MYO16: variants seen among roughly 807,000 people sequenced by gnomAD.
MYO16 encodes the protein unconventional myosin-XVI.
Under a neutral mutation model 205.3 loss-of-function variants are expected in MYO16, and 94 were observed. The ratio of observed to expected loss-of-function variants is 0.46; its 90% CI spans 0.39 to 0.54. The LOEUF is 0.54. Among genes scored for constraint, MYO16 ranks in the 20% least tolerant of loss-of-function variants. MYO16 has a pLI of 0.00. For synonymous variants in MYO16, 988 were observed against 954.0 expected, an observed-to-expected ratio of 1.04 and a Z score of -0.66; for missense variants, 2,315 against 2,387.5, an observed-to-expected ratio of 0.97 and a Z score of 0.63.
chr13:109,134,918 G>A (rs1471527285), intron 31 of MYO16, among the ~76,000 whole-genome samples: 2 of 152,116 alleles, frequency 1.3e-5, no homozygotes, highest in Non-Finnish European at 2.9e-5. Flanking sequence ...GTATCCCTCT[G>A]TCATACAAAC....
At chr13:108,978,261 ACTT>A (rs528991151) in intron 20 of MYO16, among the ~76,000 whole-genome samples, 15 of 152,090 alleles carry the variant, frequency 9.9e-5, no homozygotes, top group Middle Eastern at 3.4e-3. Context: ...TATGTATCTT[ACTT>A]CTTCTTATTT....
At position 108,608,435 on chromosome 13, in the gene MYO16, C is replaced by G. The variant is rs534413395; in HGVS notation, c.-39+12196C>G. On this transcript the variant is annotated intron_variant, in intron 1 of 24. Coordinates refer to the MYO16 transcript ENST00000251041. The stretch of plus-strand genomic sequence containing the variant: ...ACACCTTGTCTTAAAGCTTTCTCAT[C>G]GGACCTAGCCAGAACCCTTCCTTGC... Among the ~76,000 whole-genome samples the G allele has an allele frequency of 3.3e-4, 50 of 152,246 alleles. 1 individual carries two copies. Among genetic ancestry groups the G allele is most frequent in the Middle Eastern group, 6.8e-3 (2 of 294 alleles).
At chr13:109,178,913 C>A (rs1879335797) in intron 33 of MYO16, among the ~76,000 whole-genome samples, 1 of 152,194 alleles carries the variant, frequency 6.6e-6, no homozygotes, top group Non-Finnish European at 1.5e-5. Flanking sequence ...CTCATAGTAA[C>A]TTCGCGTTGT....
At chr13:109,024,738 C>G (rs1354352192) in intron 23 of MYO16, among the ~76,000 whole-genome samples, 1 of 152,000 alleles carries the variant, frequency 6.6e-6, no homozygotes, top group Non-Finnish European at 1.5e-5. Flanking sequence ...TTATAAAAAT[C>G]TTTTATTGTA....
chr13:108,889,056 A>G (rs533011576), intron 14 of MYO16, among the ~76,000 whole-genome samples: 6 of 152,168 alleles, frequency 3.9e-5, no homozygotes, highest in African/African-American at 1.2e-4. Flanking sequence ...TGTCTCAAAA[A>G]AAAAAAGAAA....
At chr13:108,669,479 G>T (rs1881889325) in intron 2 of MYO16, among the ~76,000 whole-genome samples, 1 of 152,050 alleles carries the variant, frequency 6.6e-6, no homozygotes, top group East Asian at 1.9e-4. Flanking sequence ...ACTGAAGAGG[G>T]AACAGACGTT....
intron 28 of MYO16, among the ~76,000 whole-genome samples, chr13:109,111,490 G>A (rs1220484122): frequency 2.6e-5 from 4 of 152,126 alleles, no homozygotes; most frequent in Non-Finnish European, 4.4e-5. Flanking sequence ...ATGCAACTAC[G>A]ATAGTACATA....
intron 23 of MYO16, among the ~76,000 whole-genome samples, chr13:109,023,705 A>ATG: frequency 8.5e-6 from 1 of 118,220 alleles, no homozygotes; most frequent in Non-Finnish European, 1.7e-5. Flanking sequence ...GTATATATGT[A>ATG]TATATACAAA....
chr13:109,079,471 G>T (rs914126299), intron 27 of MYO16, among the ~76,000 whole-genome samples: 1 of 152,014 alleles, frequency 6.6e-6, no homozygotes, highest in Non-Finnish European at 1.5e-5. Context: ...GTGGCAACGT[G>T]GATGCAGCTG....
At chr13:108,528,273 A>G in the MYO16 span, among the ~76,000 whole-genome samples, 1 of 152,080 alleles carries the variant, frequency 6.6e-6, no homozygotes, top group African/African-American at 2.4e-5. Flanking sequence ...GAAGGACAAA[A>G]TCTCAAAAAG....
chr13:109,028,817 T>C (rs571811907), intron 23 of MYO16, among the ~76,000 whole-genome samples: 1 of 151,962 alleles, frequency 6.6e-6, no homozygotes, highest in African/African-American at 2.4e-5. Context: ...TCCACAGACC[T>C]TTACGGGAAT....
intron 1 of MYO16, among the ~76,000 whole-genome samples, chr13:108,617,954 C>T (rs765539798): frequency 2.6e-5 from 4 of 152,114 alleles, no homozygotes; most frequent in East Asian, 1.9e-4. Context: ...GATGGCCTCA[C>T]CAAACACCCA....
chr13:108,768,754 C>T (rs1045985618), intron 4 of MYO16, among the ~76,000 whole-genome samples: 1 of 152,038 alleles, frequency 6.6e-6, no homozygotes, highest in Non-Finnish European at 1.5e-5. Context: ...AAATTATATT[C>T]GTCTTATGGT....
At chr13:108,579,236 C>A in the MYO16 span, among the ~76,000 whole-genome samples, 1 of 152,120 alleles carries the variant, frequency 6.6e-6, no homozygotes, top group Non-Finnish European at 1.5e-5. Context: ...TGTCTTTTGA[C>A]TGAGTCTCTT....
chr13:109,063,562 G>T (rs1334762315), intron 27 of MYO16, among the ~76,000 whole-genome samples: 1 of 152,140 alleles, frequency 6.6e-6, no homozygotes, highest in Non-Finnish European at 1.5e-5. Context: ...GAATGTGACT[G>T]GCACAAGAAT....
chr13:108,729,070 G>A (rs1884436593), intron 4 of MYO16, among the ~76,000 whole-genome samples: 1 of 151,068 alleles, frequency 6.6e-6, no homozygotes, highest in Non-Finnish European at 1.5e-5. Flanking sequence ...ATTAAGGAAA[G>A]ACAAAGGAAA....
In MYO16 at chr13:109,206,745, C is replaced by T. The variant is rs761944370; in HGVS notation, c.5552C>T (p.Pro1851Leu). 2 of 1,614,166 alleles carry T rather than the reference C, an allele frequency of 1.2e-6. No homozygotes were observed. The highest frequency in any genetic ancestry group is 1.7e-5 in the Admixed American group (1 of 60,024). The change falls in exon 35 of 35, where the codon CCA (proline) becomes CTA (leucine). Residue 1851 changes from proline (P) to leucine (L), a missense_variant. Pro to Leu is a moderately conservative substitution (Grantham distance 98, BLOSUM62 -3). Around this residue, in one of 3 missense-constraint regions of MYO16, gnomAD observed 1,097 missense variants for 1,092.0 expected, o/e 1.00. Transcript: ENST00000457511. ...LHHAEPRVPP[P>L]PPCKKPSLLK... ...CACGCTGAGCCCAGGGTGCCTCCCCCACCACCTTGCAAGAAGCCCAGCCTT... is the reference window on the plus strand; with the variant it reads ...CACGCTGAGCCCAGGGTGCCTCCCCTACCACCTTGCAAGAAGCCCAGCCTT...
At chr13:108,856,834 G>A (rs755738267) in intron 11 of MYO16, among the ~76,000 whole-genome samples, 1 of 152,260 alleles carries the variant, frequency 6.6e-6, no homozygotes, top group Non-Finnish European at 1.5e-5. Context: ...TTCTAGGGGA[G>A]GCTTCATCAT....
At chr13:108,643,794 C>T (rs897042574) in intron 1 of MYO16, among the ~76,000 whole-genome samples, 11 of 152,186 alleles carry the variant, frequency 7.2e-5, no homozygotes, top group Admixed American at 6.5e-4. Context: ...TGCATGGGCG[C>T]GTGGTTTTAT....
Sources: gnomAD v4.1 joint callset for allele counts (sites outside exome capture counted in the v4.1 genomes callset) on GRCh38, gnomAD v4.1.1 for gene constraint, gnomAD v4.1.1 regional missense constraint, MANE v1.5 for transcripts, NCBI Gene and HGNC (gene_info 2026-07-23, HGNC 2026-07-21) for gene names.